Variants in KCNAB2 observed in about 807,000 individuals in gnomAD.
The protein encoded by KCNAB2 is potassium voltage-gated channel subfamily A regulatory beta subunit 2, also known as voltage-gated potassium channel subunit beta-2.
KCNAB2 carries 29 observed loss-of-function variants against 63.6 expected under a neutral mutation model. That is an observed-to-expected ratio of 0.46 (90% CI 0.34 to 0.62). The LOEUF is 0.62. Among genes scored for constraint, KCNAB2 ranks in the 20% least tolerant of loss-of-function variants. KCNAB2 has a pLI of 0.01. For synonymous variants in KCNAB2, 222 were observed against 224.2 expected (o/e 0.99, Z 0.09); for missense variants, 359 against 563.9 (o/e 0.64, Z 3.68).
At chr1:5,993,045 C>T (rs1656622613) in intron 1 of KCNAB2, among the ~76,000 whole-genome samples, 1 of 144,588 alleles carries the variant, frequency 6.9e-6, no homozygotes, top group East Asian at 2.2e-4. Context: ...GACCCTTCAG[C>T]TCGCATCCCT....
In KCNAB2 at chr1:6,073,464, A is replaced by G. The variant is rs1044088334; in HGVS notation, c.263-269A>G. Among the ~76,000 whole-genome samples the G allele has an allele frequency of 1.3e-5, 2 of 152,208 alleles. No individual in the cohort carries two copies. Among genetic ancestry groups the G allele is most frequent in the Non-Finnish European group, 2.9e-5 (2 of 68,034 alleles). ...CTAGAGCTGCCTCAGTACAGCTCTGACCAGCATTTCAAAAGCCCCAGACCT... is the reference window on the plus strand; with the variant it reads ...CTAGAGCTGCCTCAGTACAGCTCTGGCCAGCATTTCAAAAGCCCCAGACCT... On this transcript the variant is annotated intron_variant, in intron 3 of 15. Transcript: ENST00000378083. This position sits in a 1 kb window ranked among gnomAD's most constrained non-coding sequence, Gnocchi z 5.7.
chr1:6,006,637 C>T (rs1294266118), intron 1 of KCNAB2, among the ~76,000 whole-genome samples: 1 of 17,292 alleles, frequency 5.8e-5, no homozygotes, highest in African/African-American at 2.6e-4. Flanking sequence ...CCACCCTCAC[C>T]CCTCAGCTCA....
At chr1:6,004,119 C>T (rs1164698633) in intron 1 of KCNAB2, among the ~76,000 whole-genome samples, 1 of 152,182 alleles carries the variant, frequency 6.6e-6, no homozygotes, top group African/African-American at 2.4e-5. Context: ...GAGGTTGGAG[C>T]AGAAGCAGGG....
intron 1 of KCNAB2, among the ~76,000 whole-genome samples, chr1:5,998,394 C>T (rs1396269306): frequency 6.6e-6 from 1 of 152,162 alleles, no homozygotes; most frequent in African/African-American, 2.4e-5. Flanking sequence ...CTCGGTTGAC[C>T]TTGGGTTTCG....
At chr1:5,996,141 G>A (rs961145100) in intron 1 of KCNAB2, 4 of 152,528 alleles carry the variant, frequency 2.6e-5, no homozygotes, top group South Asian at 2.1e-4. Flanking sequence ...GAGGCAAAGG[G>A]AACAGGACCC....
intron 2 of KCNAB2, among the ~76,000 whole-genome samples, chr1:6,062,537 G>C (rs1662406182): frequency 6.6e-6 from 1 of 152,208 alleles, no homozygotes; most frequent in South Asian, 2.1e-4. Flanking sequence ...GTGCTGGACG[G>C]TGGAGACACC....
rs958279750 is a variant in KCNAB2, at chr1:6,078,745, G to A, written c.301-3450G>A. 1.8e-4 allele frequency among the ~76,000 whole-genome samples: 28 copies of A among 152,320 alleles called. No individual in the cohort carries two copies. Among genetic ancestry groups the A allele is most frequent in the East Asian group, 5.8e-4 (3 of 5,180 alleles). On this transcript the variant is annotated intron_variant, in intron 4 of 15. Coordinates refer to ENST00000378083, the MANE Select transcript of KCNAB2 (RefSeq NM_001199862.2). This position sits in a 1 kb window ranked among gnomAD's most constrained non-coding sequence, Gnocchi z 4.2. ...CCCTGGCTGCTGCACTGGGAATGGC[G>A]AGTCATGAGGATGTCCCAGAGTTCA...
chr1:6,098,687 C>T lies in KCNAB2; in HGVS notation c.*113C>T. On this transcript the variant is annotated 3_prime_UTR_variant, in exon 16 of 16. Coordinates refer to ENST00000378083, the MANE Select transcript of KCNAB2 (RefSeq NM_001199862.2). ...TGTGGTTTGCATCCAAGAGAAAACA[C>T]CACACTGTGATGTCATCGGGAAATG... 7.0e-6 allele frequency: 9 copies of T among 1,285,106 alleles called. No homozygotes were observed. In the South Asian group the frequency reaches 9.7e-5, roughly 14 times the overall value. 79.6% of individuals were successfully genotyped at this position (1,285,106 alleles called of 1,614,324 possible).
chr1:6,041,429 G>A (rs184501253), upstream of KCNAB2: 1 of 218,480 alleles, frequency 4.6e-6, no homozygotes, highest in African/African-American at 2.3e-5. Context: ...GGCAGGTGCG[G>A]GTTTGCCAGC....
chr1:6,038,464 T>C (rs1431411118), intron 1 of KCNAB2, among the ~76,000 whole-genome samples: 1 of 152,118 alleles, frequency 6.6e-6, no homozygotes, highest in African/African-American at 2.4e-5. Flanking sequence ...CTAATTTTTT[T>C]ATTTTTTAAT....
upstream of KCNAB2, among the ~76,000 whole-genome samples, chr1:6,045,747 C>G (rs1660863168): frequency 6.6e-6 from 1 of 152,178 alleles, no homozygotes; most frequent in South Asian, 2.1e-4. The surrounding 1 kb of genome is among the most constrained non-coding windows in gnomAD (Gnocchi z 4.8). Flanking sequence ...TACCAAAGAG[C>G]AAGGCCTGCC....
At chr1:6,038,038 C>A (rs556382960) in intron 1 of KCNAB2, among the ~76,000 whole-genome samples, 8 of 152,048 alleles carry the variant, frequency 5.3e-5, no homozygotes, top group Non-Finnish European at 1.0e-4. Flanking sequence ...TCACACCCAG[C>A]TAATTTTTTT....
At chr1:6,007,679 C>T (rs545455659) in intron 1 of KCNAB2, 1 of 152,466 alleles carries the variant, frequency 6.6e-6, no homozygotes, top group East Asian at 1.9e-4. Flanking sequence ...TCAGCATTTC[C>T]TTTATCTCCT....
intron 1 of KCNAB2, among the ~76,000 whole-genome samples, chr1:6,016,535 G>C (rs1658511052): frequency 6.6e-6 from 1 of 152,260 alleles, no homozygotes; most frequent in South Asian, 2.1e-4. Flanking sequence ...CACGAGGCCT[G>C]TGTGAAACAC....
At position 6,086,955 on chromosome 1, in the gene KCNAB2, T is replaced by TGTCACATTC; in HGVS notation, c.426-511_426-503dup. Reference sequence around the variant, plus strand: ...TCCCACACAGATTTTCTGCAACACGTGTCACATTCTGTAGGGAACGTTGCA... The same window carrying TGTCACATTC: ...TCCCACACAGATTTTCTGCAACACGTGTCACATTCGTCACATTCTGTAGGGAACGTTGCA... On this transcript the variant is annotated intron_variant, in intron 6 of 15. Coordinates refer to ENST00000378083, the MANE Select transcript of KCNAB2 (RefSeq NM_001199862.2). This position sits in a 1 kb window ranked among gnomAD's most constrained non-coding sequence, Gnocchi z 4.2. Among the ~76,000 whole-genome samples, 1 of 152,034 alleles carries TGTCACATTC rather than the reference T, an allele frequency of 6.6e-6. No individual in the cohort carries two copies. The highest frequency in any genetic ancestry group is 2.1e-4 in the South Asian group (1 of 4,812).
At chr1:6,008,197 C>T (rs1045403414) in intron 1 of KCNAB2, among the ~76,000 whole-genome samples, 6 of 152,294 alleles carry the variant, frequency 3.9e-5, no homozygotes, top group Admixed American at 2.0e-4. Context: ...GAGCCAAGTC[C>T]GGTTCCGCTG....
intron 1 of KCNAB2, among the ~76,000 whole-genome samples, chr1:6,011,630 T>G (rs774659692): frequency 1.3e-5 from 2 of 152,226 alleles, no homozygotes; most frequent in Non-Finnish European, 2.9e-5. Flanking sequence ...GAAGGGCTTT[T>G]GAGAAAAGCA....
At chr1:6,043,418 C>T (rs1001383137), upstream of KCNAB2, among the ~76,000 whole-genome samples, 6 of 152,204 alleles carry the variant, frequency 3.9e-5, no homozygotes, top group African/African-American at 7.2e-5. Flanking sequence ...TTGTCCCCCC[C>T]GCCGGGATCC....
At chr1:6,041,364 C>T (rs534523787), upstream of KCNAB2, 224 of 182,274 alleles carry the variant, frequency 1.2e-3, 2 homozygotes, top group African/African-American at 5.1e-3. Context: ...AGCCAGAGCC[C>T]GTGTCTGTGA....
Sources: gnomAD v4.1 joint callset for allele counts (sites outside exome capture counted in the v4.1 genomes callset) on GRCh38, gnomAD v4.1.1 for gene constraint, Gnocchi (gnomAD v3.1) non-coding constraint, MANE v1.5 for transcripts, NCBI Gene and HGNC (gene_info 2026-07-23, HGNC 2026-07-21) for gene names.